The following VAX2 variants were observed in gnomAD, a reference collection of about 807,000 sequenced individuals.
The protein encoded by VAX2 is ventral anterior homeobox 2.
A neutral mutation model predicts 12.5 loss-of-function variants in VAX2; 8 were observed. That is an observed-to-expected ratio of 0.64 (90% CI 0.37 to 1.15). The LOEUF is 1.15. Among genes scored for constraint, VAX2 ranks in the 50% most tolerant of loss-of-function variants. VAX2 has a pLI of 0.01. For missense variants in VAX2, 476 were observed against 412.9 expected, an observed-to-expected ratio of 1.15 and a Z score of -1.32; for synonymous variants, 183 against 187.6, an observed-to-expected ratio of 0.98 and a Z score of 0.20.
In VAX2 at chr2:70,917,151, CAAAAAA is replaced by C. The variant is rs55909927; in HGVS notation, c.248-3931_248-3926del. ...GGGCAACAAGAGTGAAACTCTGTCT[CAAAAAA>C]AAAAAAAAAAAAAAATCAGCCGCGC... On this transcript the variant is annotated intron_variant, in intron 1 of 2. Transcript: ENST00000234392. Among the ~76,000 whole-genome samples the C allele has an allele frequency of 4.8e-5, 4 of 82,678 alleles. No homozygotes were observed. In the East Asian group the frequency reaches 1.5e-3, roughly 31 times the overall value. The allele number at this position is 82,678 out of a possible 152,430, so 54.2% of individuals were successfully genotyped here. A position where few individuals can be genotyped will look rare whatever the true frequency, so the allele number is the denominator to read the frequency against.
At chr2:70,913,360 T>C (rs1223329545) in intron 1 of VAX2, among the ~76,000 whole-genome samples, 1 of 152,232 alleles carries the variant, frequency 6.6e-6, no homozygotes, top group African/African-American at 2.4e-5. Context: ...GCCTTACATA[T>C]TTTTAAAATT....
chr2:70,910,800 C>A (rs1347908303), intron 1 of VAX2, among the ~76,000 whole-genome samples: 358 of 143,192 alleles, frequency 2.5e-3, no homozygotes, highest in Middle Eastern at 7.2e-3. Context: ...AAAAACAAAA[C>A]AAAACAAAAA....
chr2:70,926,880 G>A (rs148231321), intron 2 of VAX2, among the ~76,000 whole-genome samples: 29 of 152,112 alleles, frequency 1.9e-4, no homozygotes, highest in African/African-American at 6.3e-4. Flanking sequence ...TGGGGAAACT[G>A]AGGCTCCAAG....
chr2:70,921,934 A>G (rs1553412930), intron 2 of VAX2, among the ~76,000 whole-genome samples: 1 of 152,118 alleles, frequency 6.6e-6, no homozygotes, highest in African/African-American at 2.4e-5. Context: ...TACTACCACT[A>G]CTACTACTAC....
chr2:70,929,735 AT>A (rs1171681845), intron 2 of VAX2, among the ~76,000 whole-genome samples: 8 of 151,942 alleles, frequency 5.3e-5, no homozygotes, highest in African/African-American at 1.7e-4. Flanking sequence ...ATTCATTTTA[AT>A]TGTATTTTTT....
At chr2:70,929,955 A>G (rs547321425) in intron 2 of VAX2, among the ~76,000 whole-genome samples, 7 of 152,288 alleles carry the variant, frequency 4.6e-5, no homozygotes, top group African/African-American at 7.2e-5. Context: ...CTGGGCCTCA[A>G]TGTATATCTG....
chr2:70,907,682 G>A (rs1016855359), intron 1 of VAX2, among the ~76,000 whole-genome samples: 2 of 152,222 alleles, frequency 1.3e-5, no homozygotes, highest in Non-Finnish European at 2.9e-5. Flanking sequence ...CACTTACAAT[G>A]TAGACAGGAA....
intron 1 of VAX2, among the ~76,000 whole-genome samples, chr2:70,906,519 C>CT (rs1558653474): frequency 1.5e-5 from 1 of 67,546 alleles, no homozygotes. Context: ...CTTTTCTTTT[C>CT]CTTTTTTTTT....
Position 70,900,832 on chromosome 2 carries a change from GGC to G in VAX2, c.213_214del (p.Glu72GlyfsTer23). The G allele has an allele frequency of 6.8e-7, 1 of 1,467,924 alleles. No individual in the cohort carries two copies. The highest frequency in any genetic ancestry group is 9.0e-7 in the Non-Finnish European group (1 of 1,109,634). The allele number at this position is 1,467,924 out of a possible 1,614,324, so 90.9% of individuals were successfully genotyped here. ...GADSDGQPGP[G>X]EADHCRRILV... Reference sequence around the variant, plus strand: ...CGACAGCGACGGGCAGCCCGGGCCCGGCGAGGCAGACCACTGCCGCCGCATAC... The same window carrying G: ...CGACAGCGACGGGCAGCCCGGGCCCGGAGGCAGACCACTGCCGCCGCATAC... On this transcript the variant is annotated frameshift_variant, in exon 1 of 3. Transcript: ENST00000234392. LOFTEE classifies it high-confidence loss of function.
chr2:70,922,931 A>G (rs368718905), intron 2 of VAX2, among the ~76,000 whole-genome samples: 58 of 152,302 alleles, frequency 3.8e-4, no homozygotes, highest in African/African-American at 1.4e-3. Context: ...GTCAAGCCCA[A>G]GCCCCCCTCT....
chr2:70,906,154 T>C (rs1300297472), intron 1 of VAX2, among the ~76,000 whole-genome samples: 1 of 152,250 alleles, frequency 6.6e-6, no homozygotes, highest in Non-Finnish European at 1.5e-5. Context: ...ACACCAACGC[T>C]GCATGGGCCT....
At chr2:70,930,744 C>G (rs1053661623) in intron 2 of VAX2, among the ~76,000 whole-genome samples, 18 of 152,232 alleles carry the variant, frequency 1.2e-4, no homozygotes, top group African/African-American at 4.1e-4. Flanking sequence ...GCCTTCTCCT[C>G]CACCCATCTC....
At position 70,900,859 on chromosome 2, in the gene VAX2, C is replaced by T; in HGVS notation, c.238C>T (p.Leu80=). The change falls in exon 1 of 3, where the codon CTG becomes TTG. Residue 80 remains leucine (L), a synonymous_variant. Coordinates refer to ENST00000234392, the MANE Select transcript of VAX2 (RefSeq NM_012476.3). ...CGAGGCAGACCACTGCCGCCGCATA[C>T]TGGTGCGAGGTAAGGGGACAGCCCG... ...PGEADHCRRI[L]VRDAKGTIRE... 7.0e-7 allele frequency: 1 copy of T among 1,427,486 alleles called. No individual in the cohort carries two copies. 88.4% of individuals were successfully genotyped at this position (1,427,486 alleles called of 1,614,324 possible).
rs1187104722 is a variant in VAX2, at chr2:70,904,106, G to T, written c.247+3238G>T. On this transcript the variant is annotated intron_variant, in intron 1 of 2. Transcript: ENST00000234392. The surrounding 1 kb of genome is among the most constrained non-coding windows in gnomAD (Gnocchi z 4.2). ...ACAGGCACCCCGCACATCGCACCGCGGACGCAGCGATCCTCCCATTTGTAC... is the reference window on the plus strand; with the variant it reads ...ACAGGCACCCCGCACATCGCACCGCTGACGCAGCGATCCTCCCATTTGTAC... Among the ~76,000 whole-genome samples, 1 of 152,210 alleles carries T rather than the reference G, an allele frequency of 6.6e-6. No homozygotes were observed. Among genetic ancestry groups the T allele is most frequent in the African/African-American group, 2.4e-5 (1 of 41,458 alleles).
At position 70,915,323 on chromosome 2, in the gene VAX2, C is replaced by T. The variant is rs1679286865; in HGVS notation, c.248-5775C>T. On this transcript the variant is annotated intron_variant, in intron 1 of 2. Transcript: ENST00000234392. ...AGAGCAATGGCACAATCTCAGCTCACTGCAACTTCCCCTTCCCTGCCTCAG... is the reference window on the plus strand; with the variant it reads ...AGAGCAATGGCACAATCTCAGCTCATTGCAACTTCCCCTTCCCTGCCTCAG... 4.6e-5 allele frequency among the ~76,000 whole-genome samples: 7 copies of T among 152,066 alleles called. No homozygotes were observed. In the South Asian group the frequency reaches 1.5e-3, roughly 32 times the overall value.
chr2:70,915,166 C>A (rs1266093427), intron 1 of VAX2, among the ~76,000 whole-genome samples: 1 of 151,790 alleles, frequency 6.6e-6, no homozygotes, highest in Non-Finnish European at 1.5e-5. Context: ...GATTTTGGTG[C>A]TTTTGTCATC....
chr2:70,921,077 C>T (rs376157877), intron 1 of VAX2, 21 bp from the exon 2 acceptor site: 4 of 1,547,332 alleles, frequency 2.6e-6, no homozygotes, highest in Admixed American at 4.0e-5. Flanking sequence ...ACTAAGCTGG[C>T]TCCTTTCATG....
At chr2:70,926,975 G>A (rs562836117) in intron 2 of VAX2, among the ~76,000 whole-genome samples, 4 of 152,238 alleles carry the variant, frequency 2.6e-5, no homozygotes, top group Admixed American at 1.3e-4. Flanking sequence ...GATTCTCCAC[G>A]ATAGTTTGCT....
chr2:70,932,876 T>G lies in VAX2; in HGVS notation c.545T>G (p.Ile182Ser). ...SASEAFATSN[I>S]LRLLEQGRLL... Reference sequence around the variant, plus strand: ...TCCGAGGCCTTTGCCACCTCCAACATTCTGCGGCTGCTGGAGCAGGGCCGG... The same window carrying G: ...TCCGAGGCCTTTGCCACCTCCAACAGTCTGCGGCTGCTGGAGCAGGGCCGG... The change falls in exon 3 of 3, where the codon ATT becomes AGT. Residue 182 changes from isoleucine to serine, a missense_variant. Transcript: ENST00000234392. 6.2e-7 allele frequency: 1 copy of G among 1,613,584 alleles called. No individual in the cohort carries two copies. Among genetic ancestry groups the G allele is most frequent in the Non-Finnish European group, 8.5e-7 (1 of 1,179,954 alleles).
Sources: allele counts gnomAD v4.1 joint callset (sites outside exome capture counted in the v4.1 genomes callset), GRCh38; gene constraint gnomAD v4.1.1; non-coding constraint Gnocchi (gnomAD v3.1); transcripts MANE v1.5; gene names NCBI Gene and HGNC (gene_info 2026-07-23, HGNC 2026-07-21).